The following BCR variants were observed in gnomAD, a reference collection of about 807,000 sequenced individuals.
BCR encodes BCR activator of RhoGEF and GTPase.
A neutral mutation model predicts 138.6 loss-of-function variants in BCR; 58 were observed. That is an observed-to-expected ratio of 0.42 (90% CI 0.34 to 0.52). BCR has a LOEUF of 0.52. BCR is among the 20% of genes least tolerant of loss of function. The pLI, the probability that BCR is intolerant of heterozygous loss-of-function variation, is 0.06. For missense variants in BCR, 1,599 were observed against 1,727.2 expected (o/e 0.93, Z 1.32); for synonymous variants, 786 against 730.1 (o/e 1.08, Z -1.23).
chr22:23,292,677 G>T, intron 15 of BCR, 39 bp downstream of exon 15: 1 of 1,529,798 alleles, frequency 6.5e-7, no homozygotes, highest in Admixed American at 1.7e-5. Flanking sequence ...CCTGCCAGGT[G>T]GGGCACAGGA....
intron 8 of BCR, among the ~76,000 whole-genome samples, chr22:23,280,505 G>A (rs569213019): frequency 6.6e-6 from 1 of 152,336 alleles, no homozygotes; most frequent in South Asian, 2.1e-4. Flanking sequence ...AGGACATGGC[G>A]AAGGGTGACA....
At chr22:23,196,393 G>C (rs2072482096) in intron 1 of BCR, among the ~76,000 whole-genome samples, 2 of 152,206 alleles carry the variant, frequency 1.3e-5, no homozygotes, top group African/African-American at 4.8e-5. Context: ...AGTGCCAGGG[G>C]CTGTGCGGGA....
intron 8 of BCR, among the ~76,000 whole-genome samples, chr22:23,275,672 C>G (rs2073567443): frequency 6.6e-6 from 1 of 152,226 alleles, no homozygotes; most frequent in Non-Finnish European, 1.5e-5. Context: ...CTGTGACAAA[C>G]CTGTGGGCAG....
chr22:23,255,345 T>C (rs147898742), intron 2 of BCR, among the ~76,000 whole-genome samples: 1 of 152,254 alleles, frequency 6.6e-6, no homozygotes, highest in Non-Finnish European at 1.5e-5. Flanking sequence ...GTCAGCTTTT[T>C]ACAGACTAGG....
intron 4 of BCR, chr22:23,263,842 T>A: frequency 9.3e-7 from 1 of 1,072,398 alleles, no homozygotes; most frequent in Non-Finnish European, 1.5e-6. Context: ...TTATACACCA[T>A]CCAGACTGAA....
chr22:23,229,355 G>A (rs1239020898), intron 1 of BCR, among the ~76,000 whole-genome samples: 1 of 152,124 alleles, frequency 6.6e-6, no homozygotes, highest in African/African-American at 2.4e-5. Flanking sequence ...GTTGATGTTA[G>A]TTGATTGCCT....
intron 1 of BCR, among the ~76,000 whole-genome samples, chr22:23,192,533 C>G (rs1020382207): frequency 1.3e-5 from 2 of 152,198 alleles, no homozygotes; most frequent in South Asian, 2.1e-4. Flanking sequence ...TCAACTGACC[C>G]CAGCCTTTAG....
intron 1 of BCR, chr22:23,198,209 C>T (rs767695065): frequency 2.4e-6 from 1 of 412,872 alleles, no homozygotes; most frequent in African/African-American, 2.1e-5. Context: ...GTCCAGCATT[C>T]TGGCAGCAGG....
intron 14 of BCR, 71 bp from the exon 15 acceptor site, chr22:23,292,470 C>T: frequency 9.3e-7 from 1 of 1,069,714 alleles, no homozygotes; most frequent in Non-Finnish European, 1.4e-6. Flanking sequence ...CAAATAACAC[C>T]TGCTCTTACA....
chr22:23,243,710 G>A (rs938532658), intron 1 of BCR, among the ~76,000 whole-genome samples: 3 of 150,762 alleles, frequency 2.0e-5, no homozygotes, highest in East Asian at 1.9e-4. Context: ...GTGCAGTGGC[G>A]AGATCTCGGC....
At chr22:23,187,921 A>ACAT (rs1196416805) in intron 1 of BCR, among the ~76,000 whole-genome samples, 1 of 152,132 alleles carries the variant, frequency 6.6e-6, no homozygotes, top group African/African-American at 2.4e-5. Context: ...CTGTGTTTTC[A>ACAT]CATTTTTATT....
intron 8 of BCR, among the ~76,000 whole-genome samples, chr22:23,278,312 G>A (rs1483959809): frequency 6.6e-6 from 1 of 152,216 alleles, no homozygotes; most frequent in Non-Finnish European, 1.5e-5. Flanking sequence ...ACAGACAGCA[G>A]TCCAAACAGG....
At chr22:23,210,517 A>T (rs8137379) in intron 1 of BCR, among the ~76,000 whole-genome samples, 1,859 of 152,284 alleles carry the variant, frequency 0.012, 33 homozygotes, top group African/African-American at 0.04. Flanking sequence ...TAATTTACAG[A>T]CAATGAAAGT....
chr22:23,218,714 G>A (rs1182550863), intron 1 of BCR, among the ~76,000 whole-genome samples: 1 of 152,198 alleles, frequency 6.6e-6, no homozygotes, highest in Non-Finnish European at 1.5e-5. Context: ...CTCATAGTGA[G>A]GACCCATGGG....
chr22:23,253,227 G>A (rs1479101098), intron 1 of BCR, among the ~76,000 whole-genome samples: 1 of 152,196 alleles, frequency 6.6e-6, no homozygotes, highest in Non-Finnish European at 1.5e-5. Context: ...TCAGCAACCT[G>A]GAAGCTCTCC....
chr22:23,237,207 C>A (rs2073036688), intron 1 of BCR, among the ~76,000 whole-genome samples: 1 of 152,200 alleles, frequency 6.6e-6, no homozygotes, highest in African/African-American at 2.4e-5. Flanking sequence ...TGCAGCATAC[C>A]ACAGTCCTCA....
intron 1 of BCR, among the ~76,000 whole-genome samples, chr22:23,202,030 G>A (rs985268235): frequency 1.3e-5 from 2 of 152,114 alleles, no homozygotes; most frequent in Non-Finnish European, 2.9e-5. Flanking sequence ...TAATGTGAAC[G>A]TTTCCATGTA....
intron 1 of BCR, among the ~76,000 whole-genome samples, chr22:23,198,076 TG>T (rs2072504109): frequency 1.3e-5 from 2 of 151,120 alleles, no homozygotes; most frequent in African/African-American, 4.9e-5. Flanking sequence ...GAGAAAGAAG[TG>T]GGGGAGTTTA....
rs1465162430 is a variant in BCR, at chr22:23,295,020, G to T, written c.2881-4G>T. Reference sequence around the variant, plus strand: ...TGGACTTCCCTTCTCCCTTGGGGCTGCAGGAATTTGAGATAGAGCTGGAGG... The same window carrying T: ...TGGACTTCCCTTCTCCCTTGGGGCTTCAGGAATTTGAGATAGAGCTGGAGG... On this transcript the variant is annotated splice_polypyrimidine_tract_variant and splice_region_variant and intron_variant, in intron 15 of 22. Coordinates refer to ENST00000305877, the MANE Select transcript of BCR (RefSeq NM_004327.4). 6.2e-7 allele frequency: 1 copy of T among 1,613,840 alleles called. No individual in the cohort carries two copies. Among genetic ancestry groups the T allele is most frequent in the East Asian group, 2.2e-5 (1 of 44,870 alleles).
Sources: allele counts gnomAD v4.1 joint callset (sites outside exome capture counted in the v4.1 genomes callset), GRCh38; gene constraint gnomAD v4.1.1; transcripts MANE v1.5; gene names NCBI Gene and HGNC (gene_info 2026-07-23, HGNC 2026-07-21).